Variants in SVOPL observed in about 807,000 individuals in gnomAD.
SVOPL encodes SVOP like.
A neutral mutation model predicts 61.0 loss-of-function variants in SVOPL; 60 were observed. The observed-to-expected ratio is 0.98, with a 90% CI of 0.80 to 1.22. The LOEUF (loss-of-function observed/expected upper bound fraction) is 1.22, where lower values mean the gene tolerates loss of function less well. Among genes scored for constraint, SVOPL ranks in the 50% most tolerant of loss-of-function variants. The pLI is 0.00. For missense variants in SVOPL, 662 were observed against 643.9 expected (o/e 1.03, Z -0.30); for synonymous variants, 279 against 250.0 (o/e 1.12, Z -1.09).
intron 6 of SVOPL, among the ~76,000 whole-genome samples, chr7:138,658,875 C>G (rs999779036): frequency 6.6e-6 from 1 of 151,680 alleles, no homozygotes; most frequent in Non-Finnish European, 1.5e-5. Context: ...AGTGCCCCCC[C>G]GCCCCAACCC....
intron 9 of SVOPL, among the ~76,000 whole-genome samples, chr7:138,641,743 GAA>G (rs1303571917): frequency 3.4e-5 from 5 of 144,932 alleles, no homozygotes; most frequent in Non-Finnish European, 7.5e-5. Flanking sequence ...GAGAAATGGA[GAA>G]AGTCATTGTC....
chr7:138,659,811 G>A lies in SVOPL; in HGVS notation c.470+53C>T, dbSNP rs1801920695. 1.8e-5 allele frequency: 28 copies of A among 1,514,308 alleles called. No individual in the cohort carries two copies. The South Asian group carries it at 1.9e-4, about 10-fold the overall frequency. The allele number at this position is 1,514,308 out of a possible 1,614,324, so 93.8% of individuals were successfully genotyped here. ...ATTAAGCGCAGTGTGTGTGCATCAG[G>A]GCCTGCAGGGGTACACGTTTCTGTC... On this transcript the variant is annotated intron_variant, in intron 6 of 15. Transcript: ENST00000674285.
intron 10 of SVOPL, 147 bp downstream of exon 10, chr7:138,629,902 G>C (rs574005769): frequency 3.2e-5 from 21 of 646,692 alleles, no homozygotes; most frequent in Non-Finnish European, 5.2e-5. Context: ...GGTGGTGTTT[G>C]TAGAAAGACA....
chr7:138,672,018 C>T lies in SVOPL; in HGVS notation c.273+1G>A, dbSNP rs1802433018. ...TCACGGCACAGGGAGCAGGTACTTA[C>T]CGTGGTTACTAATGCCACCTGCCAA... On this transcript the variant is annotated splice_donor_variant, in intron 4 of 15. Coordinates refer to ENST00000674285, the MANE Select transcript of SVOPL (RefSeq NM_001139456.2). LOFTEE classifies it high-confidence loss of function. 6.4e-7 allele frequency: 1 copy of T among 1,551,556 alleles called. No homozygotes were observed. The highest frequency in any genetic ancestry group is 8.7e-7 in the Non-Finnish European group (1 of 1,146,878).
intron 1 of SVOPL, among the ~76,000 whole-genome samples, chr7:138,682,968 C>CAA (rs762982090): frequency 0.3 from 28,518 of 95,066 alleles, 4,378 homozygotes; most frequent in African/African-American, 0.45. Context: ...AACTCCATCT[C>CAA]AAAAAAAAAA....
chr7:138,683,406 T>C lies in SVOPL; in HGVS notation c.-34-4327A>G, dbSNP rs570452540. Among the ~76,000 whole-genome samples, 395 of 152,186 alleles carry C rather than the reference T, an allele frequency of 2.6e-3. 3 individuals carry two copies. Among genetic ancestry groups the C allele is most frequent in the South Asian group, 0.02 (96 of 4,812 alleles). On this transcript the variant is annotated intron_variant, in intron 1 of 15. Coordinates refer to ENST00000674285, the MANE Select transcript of SVOPL (RefSeq NM_001139456.2). ...TTTTTGAGATGGAGTTTTGCTCTTTTGCCCAGGCTGGGGTGCAGTGGCGGG... is the reference window on the plus strand; with the variant it reads ...TTTTTGAGATGGAGTTTTGCTCTTTCGCCCAGGCTGGGGTGCAGTGGCGGG...
At chr7:138,662,027 G>T in intron 5 of SVOPL, 7 of 985,470 alleles carry the variant, frequency 7.1e-6, no homozygotes, top group Non-Finnish European at 8.4e-6. Context: ...GGGGGCAAAA[G>T]GGTGAGTCTT....
chr7:138,659,492 G>GAA (rs11295502), intron 6 of SVOPL, among the ~76,000 whole-genome samples: 2 of 140,106 alleles, frequency 1.4e-5, no homozygotes, highest in African/African-American at 2.6e-5. Flanking sequence ...ACTCTATCTC[G>GAA]AAAAAAAAAA....
At chr7:138,653,534 C>T (rs909664279) in intron 7 of SVOPL, among the ~76,000 whole-genome samples, 1 of 152,098 alleles carries the variant, frequency 6.6e-6, no homozygotes, top group Non-Finnish European at 1.5e-5. Context: ...GTGCACAGTG[C>T]CTCTTACCTG....
At chr7:138,670,076 T>G (rs1802377697) in intron 4 of SVOPL, among the ~76,000 whole-genome samples, 1 of 152,194 alleles carries the variant, frequency 6.6e-6, no homozygotes, top group Non-Finnish European at 1.5e-5. Flanking sequence ...TGAAACCATC[T>G]TTGCAAAAAT....
chr7:138,596,909 T>G, intron 14 of SVOPL: 1 of 1,083,658 alleles, frequency 9.2e-7, no homozygotes, highest in Non-Finnish European at 1.1e-6. Context: ...ATCCTCTGTC[T>G]GCCAAATATC....
chr7:138,651,511 T>C (rs1801431406), intron 7 of SVOPL, among the ~76,000 whole-genome samples: 1 of 152,234 alleles, frequency 6.6e-6, no homozygotes, highest in African/African-American at 2.4e-5. Flanking sequence ...GAAGGTTTGT[T>C]GCAATCCTGT....
At chr7:138,630,242 C>CA (rs1386180465) in intron 9 of SVOPL, 120 bp from the exon 10 acceptor site, 34 of 764,382 alleles carry the variant, frequency 4.4e-5, no homozygotes, top group Non-Finnish European at 4.1e-5. Context: ...CTGCGATAAC[C>CA]ACTCAGCTCC....
chr7:138,633,786 T>C (rs1295662162), intron 9 of SVOPL, among the ~76,000 whole-genome samples: 1 of 152,164 alleles, frequency 6.6e-6, no homozygotes, highest in Non-Finnish European at 1.5e-5. Context: ...ATATTTGCAT[T>C]ACTATGGAGT....
intron 13 of SVOPL, among the ~76,000 whole-genome samples, chr7:138,622,086 C>CTATG (rs1563096161): frequency 3.9e-4 from 16 of 40,816 alleles, no homozygotes; most frequent in Admixed American, 7.0e-4. Context: ...ATCTATCTAT[C>CTATG]TATGTATCTA....
rs1798202951 is a variant in SVOPL, at chr7:138,594,574, A to AT, written c.*35dup. ...CACCGCAGTTCTGAAGATAGAATTC[A>AT]TTTTTCTCATCTGGTAGACATAGCT... On this transcript the variant is annotated 3_prime_UTR_variant, in exon 16 of 16. Transcript: ENST00000674285. 1.3e-6 allele frequency: 2 copies of AT among 1,584,004 alleles called. No individual in the cohort carries two copies. Among genetic ancestry groups the AT allele is most frequent in the Admixed American group, 1.9e-5 (1 of 52,864 alleles).
chr7:138,629,975 A>G, intron 10 of SVOPL, 74 bp downstream of exon 10: 4 of 1,213,826 alleles, frequency 3.3e-6, no homozygotes, highest in Non-Finnish European at 3.6e-6. Flanking sequence ...AGTGGCACTC[A>G]CATAGATTTA....
chr7:138,649,065 A>G lies in SVOPL; in HGVS notation c.607T>C (p.Trp203Arg). ...SVIIPTIGWRWLIRVASIPGI... is the reference protein window; with the variant it reads ...SVIIPTIGWRRLIRVASIPGI... Reference sequence around the variant, plus strand: ...GGGATGGAGGCGACGCGAATGAGCCAGCGCCACCCGATGGTGGGGATGATC... The same window carrying G: ...GGGATGGAGGCGACGCGAATGAGCCGGCGCCACCCGATGGTGGGGATGATC... The change falls in exon 8 of 16, where the codon TGG (tryptophan) becomes CGG (arginine). Residue 203 changes from tryptophan (W) to arginine (R), a missense_variant. Coordinates refer to ENST00000674285, the MANE Select transcript of SVOPL (RefSeq NM_001139456.2). 3 of 1,614,012 alleles carry G rather than the reference A, an allele frequency of 1.9e-6. No homozygotes were observed. The highest frequency in any genetic ancestry group is 2.2e-5 in the South Asian group (2 of 91,066).
At position 138,594,407 on chromosome 7, in the gene SVOPL, T is replaced by C. The variant is rs1258314235; in HGVS notation, c.*203A>G. Reference sequence around the variant, plus strand: ...CTTTGAAAGCTTAAATTATATTTTATAAAAGTACTTTATATATTGTTCCTC... The same window carrying C: ...CTTTGAAAGCTTAAATTATATTTTACAAAAGTACTTTATATATTGTTCCTC... On this transcript the variant is annotated 3_prime_UTR_variant, in exon 16 of 16. Coordinates refer to ENST00000674285, the MANE Select transcript of SVOPL (RefSeq NM_001139456.2). 1 of 370,874 alleles carries C rather than the reference T, an allele frequency of 2.7e-6. No homozygotes were observed. Among genetic ancestry groups the C allele is most frequent in the East Asian group, 4.0e-5 (1 of 25,182 alleles). 23.0% of individuals were successfully genotyped at this position (370,874 alleles called of 1,614,324 possible).
Sources: gnomAD v4.1 joint callset for allele counts (sites outside exome capture counted in the v4.1 genomes callset) on GRCh38, gnomAD v4.1.1 for gene constraint, MANE v1.5 for transcripts, NCBI Gene and HGNC (gene_info 2026-07-23, HGNC 2026-07-21) for gene names.